Variants in GRXCR1 observed in about 807,000 individuals in gnomAD.
GRXCR1 encodes glutaredoxin and cysteine rich domain containing 1, also known as glutaredoxin domain-containing cysteine-rich protein 1.
GRXCR1 carries 27 observed loss-of-function variants against 27.3 expected under a neutral mutation model. The observed-to-expected ratio is 0.99, with a 90% confidence interval of 0.73 to 1.37. The LOEUF (loss-of-function observed/expected upper bound fraction) is 1.37, where lower values mean the gene tolerates loss of function less well. Ranked by LOEUF, GRXCR1 falls within the 40% of genes most tolerant of loss-of-function variation. GRXCR1 has a pLI of 0.00. For missense variants in GRXCR1, 379 were observed against 354.4 expected, an observed-to-expected ratio of 1.07 and a Z score of -0.56; for synonymous variants, 122 against 131.1, an observed-to-expected ratio of 0.93 and a Z score of 0.47.
intron 2 of GRXCR1, among the ~76,000 whole-genome samples, chr4:42,982,867 T>G (rs1299889233): frequency 3.3e-5 from 5 of 151,734 alleles, no homozygotes; most frequent in Admixed American, 3.3e-4. Context: ...TTGAGAAGTG[T>G]CTGTTCATGT....
At chr4:42,988,280 C>G (rs151170262) in intron 2 of GRXCR1, among the ~76,000 whole-genome samples, 1 of 152,228 alleles carries the variant, frequency 6.6e-6, no homozygotes, top group African/African-American at 2.4e-5. Flanking sequence ...AGGAATAAAT[C>G]AATTTTCTTC....
intron 1 of GRXCR1, among the ~76,000 whole-genome samples, chr4:42,895,395 T>G (rs1484175600): frequency 1.3e-5 from 2 of 152,134 alleles, no homozygotes; most frequent in Non-Finnish European, 2.9e-5. Flanking sequence ...ATCAGATCTA[T>G]CCCTCCCAAC....
At chr4:42,916,582 G>A (rs1038200225) in intron 1 of GRXCR1, among the ~76,000 whole-genome samples, 1 of 151,990 alleles carries the variant, frequency 6.6e-6, no homozygotes, top group Non-Finnish European at 1.5e-5. Context: ...AAACATTCTT[G>A]TCTGGAATAT....
intron 2 of GRXCR1, among the ~76,000 whole-genome samples, chr4:43,000,669 G>GTATATATATA (rs4035884): frequency 3.3e-5 from 5 of 149,704 alleles, no homozygotes; most frequent in African/African-American, 1.2e-4. Flanking sequence ...ATTGTTAGAG[G>GTATATATATA]TATATATATA....
chr4:43,010,008 G>A (rs889381386), intron 2 of GRXCR1, among the ~76,000 whole-genome samples: 5 of 152,136 alleles, frequency 3.3e-5, no homozygotes, highest in Non-Finnish European at 7.3e-5. Flanking sequence ...TGCTTCAGGA[G>A]TGACTCTTCT....
At chr4:43,002,905 T>A (rs1269414802) in intron 2 of GRXCR1, among the ~76,000 whole-genome samples, 1 of 152,214 alleles carries the variant, frequency 6.6e-6, no homozygotes, top group East Asian at 1.9e-4. Flanking sequence ...GTAATCCCCA[T>A]GTGTCAAGGA....
chr4:42,949,522 C>A (rs767380231), intron 1 of GRXCR1, among the ~76,000 whole-genome samples: 1 of 152,102 alleles, frequency 6.6e-6, no homozygotes, highest in African/African-American at 2.4e-5. Context: ...CAAATACTAG[C>A]TCCATCATTT....
At chr4:43,022,591 C>T (rs773294030) in intron 3 of GRXCR1, among the ~76,000 whole-genome samples, 3 of 152,114 alleles carry the variant, frequency 2.0e-5, no homozygotes, top group Admixed American at 6.6e-5. Flanking sequence ...TCACTATGTT[C>T]GGCTGCTTTG....
chr4:42,963,611 A>G lies in GRXCR1; in HGVS notation c.627+477A>G, dbSNP rs551373180. Among the ~76,000 whole-genome samples, 6 of 152,084 alleles carry G rather than the reference A, an allele frequency of 3.9e-5. No individual in the cohort carries two copies. In the East Asian group the frequency reaches 1.2e-3, roughly 29 times the overall value. On this transcript the variant is annotated intron_variant, in intron 2 of 3. Transcript: ENST00000399770. ...GAATTTTATCTGCTTGTTTAAAATT[A>G]TTTTTAACTTGGGTACTGCAGCAGT...
At chr4:42,965,187 G>A (rs1445928448) in intron 2 of GRXCR1, among the ~76,000 whole-genome samples, 1 of 152,002 alleles carries the variant, frequency 6.6e-6, no homozygotes, top group African/African-American at 2.4e-5. Flanking sequence ...GAGATAGGGG[G>A]CATGCTTCTT....
At chr4:42,959,852 T>C (rs1748092365) in intron 1 of GRXCR1, among the ~76,000 whole-genome samples, 1 of 151,808 alleles carries the variant, frequency 6.6e-6, no homozygotes, top group Admixed American at 6.6e-5. Context: ...CCCAGCCTGG[T>C]GATTCTTATT....
intron 2 of GRXCR1, among the ~76,000 whole-genome samples, chr4:42,980,862 T>C (rs1385664286): frequency 2.0e-5 from 3 of 152,008 alleles, no homozygotes; most frequent in African/African-American, 7.2e-5. Flanking sequence ...TCCATTTTCA[T>C]CAAAAATCTT....
rs772130707 is a variant in GRXCR1 at position 43,030,495 on chromosome 4, T to A, written c.828T>A (p.Ala276=). 4 of 1,614,048 alleles carry A rather than the reference T, an allele frequency of 2.5e-6. No homozygotes were observed. The highest frequency in any genetic ancestry group is 1.6e-4 in the Middle Eastern group (1 of 6,084). ...TDSFKALKCT[A]CNENGLQRCK... is the part of the protein sequence containing the mutation. Reference sequence around the variant, plus strand: ...CTTTCAAAGCCCTGAAGTGTACGGCTTGCAATGAAAATGGTCTTCAGCGTT... The same window carrying A: ...CTTTCAAAGCCCTGAAGTGTACGGCATGCAATGAAAATGGTCTTCAGCGTT... Residue 276 remains alanine (A), a synonymous_variant, in exon 4 of 4, where the codon GCT becomes GCA. Transcript: ENST00000399770.
intron 3 of GRXCR1, among the ~76,000 whole-genome samples, chr4:43,025,188 C>CTTTGTCG (rs1285727169): frequency 1.3e-5 from 2 of 152,136 alleles, no homozygotes; most frequent in Admixed American, 1.3e-4. Flanking sequence ...CTGCCATTAT[C>CTTTGTCG]TTTGTCGTTT....
intron 2 of GRXCR1, among the ~76,000 whole-genome samples, chr4:43,019,694 A>G (rs187515699): frequency 3.7e-4 from 56 of 152,296 alleles, no homozygotes; most frequent in African/African-American, 1.2e-3. Flanking sequence ...ATGTTTTAGA[A>G]GTTAAAAGCA....
chr4:42,950,840 C>A (rs898658603), intron 1 of GRXCR1, among the ~76,000 whole-genome samples: 3 of 152,028 alleles, frequency 2.0e-5, no homozygotes, highest in Non-Finnish European at 4.4e-5. Context: ...GAAACAGAAC[C>A]AATATAGTAT....
chr4:42,965,450 T>G (rs1031770821), intron 2 of GRXCR1, among the ~76,000 whole-genome samples: 1 of 152,080 alleles, frequency 6.6e-6, no homozygotes, highest in African/African-American at 2.4e-5. Context: ...TTTATTTAAA[T>G]TGCAATGCAC....
At chr4:42,927,406 C>G (rs2109754348) in intron 1 of GRXCR1, among the ~76,000 whole-genome samples, 1 of 152,086 alleles carries the variant, frequency 6.6e-6, no homozygotes, top group East Asian at 1.9e-4. Context: ...TTCTAGAGAC[C>G]TCACAGAAAT....
chr4:42,912,405 T>A (rs1216661961), intron 1 of GRXCR1, among the ~76,000 whole-genome samples: 1 of 152,222 alleles, frequency 6.6e-6, no homozygotes, highest in Non-Finnish European at 1.5e-5. Context: ...TTTCAATACA[T>A]TTGGAAATGT....
Sources: gnomAD v4.1 joint callset for allele counts (sites outside exome capture counted in the v4.1 genomes callset) on GRCh38, gnomAD v4.1.1 for gene constraint, MANE v1.5 for transcripts, NCBI Gene and HGNC (gene_info 2026-07-23, HGNC 2026-07-21) for gene names.